The following KCNIP3 variants were observed in gnomAD, a reference collection of about 807,000 sequenced individuals.
The protein encoded by KCNIP3 is calsenilin.
A neutral mutation model predicts 35.0 loss-of-function variants in KCNIP3; 28 were observed. That is an observed-to-expected ratio of 0.80 (90% CI 0.59 to 1.10). The LOEUF (loss-of-function observed/expected upper bound fraction) is 1.10. Ranked by LOEUF, KCNIP3 falls within the 50% of genes least tolerant of loss-of-function variation. KCNIP3 has a pLI of 0.00. For missense variants in KCNIP3, 295 were observed against 338.4 expected (o/e 0.87, Z 1.01); for synonymous variants, 134 against 133.8 (o/e 1.00, Z -0.01).
At chr2:95,336,973 A>G (rs1252416584) in intron 2 of KCNIP3, among the ~76,000 whole-genome samples, 3 of 152,070 alleles carry the variant, frequency 2.0e-5, no homozygotes, top group Non-Finnish European at 4.4e-5. Context: ...AGCACTCCAG[A>G]GTCTCTCCCT....
rs371297424 is a variant in KCNIP3 at position 95,325,776 on chromosome 2, CACACACTCAT to C, written c.181+15273_181+15282del. Among the ~76,000 whole-genome samples the C allele has an allele frequency of 1.2e-3, 183 of 151,590 alleles. 1 individual carries two copies. Among genetic ancestry groups the C allele is most frequent in the African/African-American group, 3.0e-3 (122 of 41,240 alleles). ...TCATACACACATACACACTCATATACACACACTCATACACACTCATACACACATACACTCA... is the reference window on the plus strand; with the variant it reads ...TCATACACACATACACACTCATATACACACACTCATACACACATACACTCA... On this transcript the variant is annotated intron_variant, in intron 2 of 8. Coordinates refer to ENST00000295225, the MANE Select transcript of KCNIP3 (RefSeq NM_013434.5).
At chr2:95,341,019 C>T (rs187961376) in intron 2 of KCNIP3, among the ~76,000 whole-genome samples, 134 of 152,330 alleles carry the variant, frequency 8.8e-4, no homozygotes, top group African/African-American at 3.2e-3. Flanking sequence ...GGGTTCTGTG[C>T]GGCCCCTGGG....
chr2:95,311,048 C>G (rs1678301796), intron 2 of KCNIP3: 1 of 167,074 alleles, frequency 6.0e-6, no homozygotes, highest in Admixed American at 5.6e-5. Flanking sequence ...GGGCTGCATT[C>G]TGGTGGTGTG....
Position 95,381,958 on chromosome 2 carries a change from T to C in KCNIP3, c.555+255T>C, listed in dbSNP as rs547646626. ...GCTCAGCAAGTGTTCTCGGTCATACTGTCTTACACAAAAGGCCTCGGGGAG... is the reference window on the plus strand; with the variant it reads ...GCTCAGCAAGTGTTCTCGGTCATACCGTCTTACACAAAAGGCCTCGGGGAG... On this transcript the variant is annotated intron_variant, in intron 6 of 8. Transcript: ENST00000295225. Among the ~76,000 whole-genome samples, 9 of 152,316 alleles carry C rather than the reference T, an allele frequency of 5.9e-5. 1 individual carries two copies. The East Asian group carries it at 1.4e-3, about 23-fold the overall frequency.
chr2:95,308,854 G>A (rs1377621955), intron 1 of KCNIP3, among the ~76,000 whole-genome samples: 1 of 152,180 alleles, frequency 6.6e-6, no homozygotes, highest in Non-Finnish European at 1.5e-5. Flanking sequence ...GTCTTCCAGG[G>A]CTGCCTCTGT....
chr2:95,355,958 A>G lies in KCNIP3; in HGVS notation c.182-18338A>G, dbSNP rs576260379. On this transcript the variant is annotated intron_variant, in intron 2 of 8. Transcript: ENST00000295225. ...AATGTTTGAACTAATTTACACTCCTACCAACAGTGTAAAGGCGTTCCTATT... is the reference window on the plus strand; with the variant it reads ...AATGTTTGAACTAATTTACACTCCTGCCAACAGTGTAAAGGCGTTCCTATT... 3.3e-5 allele frequency among the ~76,000 whole-genome samples: 5 copies of G among 152,290 alleles called. No individual in the cohort carries two copies. The East Asian group carries it at 5.8e-4, about 18-fold the overall frequency.
At chr2:95,353,736 C>T (rs930092957) in intron 2 of KCNIP3, among the ~76,000 whole-genome samples, 1 of 152,162 alleles carries the variant, frequency 6.6e-6, no homozygotes, top group African/African-American at 2.4e-5. Context: ...TGATGCAGCC[C>T]GACCCAGAGC....
chr2:95,334,638 G>A (rs1679013491), intron 2 of KCNIP3, among the ~76,000 whole-genome samples: 1 of 152,214 alleles, frequency 6.6e-6, no homozygotes, highest in Non-Finnish European at 1.5e-5. Flanking sequence ...CTGCCATGCT[G>A]GGACTGGTCA....
intron 2 of KCNIP3, among the ~76,000 whole-genome samples, chr2:95,337,937 A>G (rs535601057): frequency 1.4e-4 from 22 of 152,202 alleles, no homozygotes; most frequent in Non-Finnish European, 3.1e-4. Flanking sequence ...TCCAGGCCCA[A>G]CCACGGGGCT....
intron 1 of KCNIP3, among the ~76,000 whole-genome samples, chr2:95,298,434 T>C (rs1390150933): frequency 1.3e-5 from 2 of 152,004 alleles, no homozygotes; most frequent in East Asian, 3.9e-4. Context: ...CCAGCACACA[T>C]GGGCTCATAC....
At chr2:95,330,195 A>G (rs1558765443) in intron 2 of KCNIP3, among the ~76,000 whole-genome samples, 1 of 152,084 alleles carries the variant, frequency 6.6e-6, no homozygotes, top group East Asian at 1.9e-4. Context: ...CTGGGCAGGG[A>G]GGGGCAGGGA....
chr2:95,360,767 G>C (rs1679780386), intron 2 of KCNIP3, among the ~76,000 whole-genome samples: 1 of 149,244 alleles, frequency 6.7e-6, no homozygotes, highest in Non-Finnish European at 1.5e-5. Context: ...GCGAGAGACA[G>C]AGAGAGAGAG....
chr2:95,365,921 G>A (rs1679906266), intron 2 of KCNIP3, among the ~76,000 whole-genome samples: 1 of 152,076 alleles, frequency 6.6e-6, no homozygotes, highest in Admixed American at 6.5e-5. Context: ...GCATAGTCAT[G>A]TAACCATTAC....
At chr2:95,371,112 A>G (rs1420611601) in intron 2 of KCNIP3, among the ~76,000 whole-genome samples, 1 of 152,024 alleles carries the variant, frequency 6.6e-6, no homozygotes, top group Non-Finnish European at 1.5e-5. Context: ...TCTTTCTTCT[A>G]TTTACTTTGA....
At chr2:95,336,554 A>C (rs562212301) in intron 2 of KCNIP3, among the ~76,000 whole-genome samples, 5 of 152,298 alleles carry the variant, frequency 3.3e-5, no homozygotes, top group African/African-American at 1.2e-4. Context: ...TATTGACTTC[A>C]TAATCAGCCA....
intron 5 of KCNIP3, 42 bp from the exon 6 acceptor site, chr2:95,381,554 C>A: frequency 1.4e-6 from 2 of 1,406,274 alleles, no homozygotes; most frequent in Non-Finnish European, 2.0e-6. Flanking sequence ...AGAACCTGGG[C>A]ATTGATTGGA....
At position 95,377,073 on chromosome 2, in the gene KCNIP3, C is replaced by G. The variant is rs570340695; in HGVS notation, c.447+1865C>G. Among the ~76,000 whole-genome samples, 1 of 152,330 alleles carries G rather than the reference C, an allele frequency of 6.6e-6. No individual in the cohort carries two copies. Among genetic ancestry groups the G allele is most frequent in the African/African-American group, 2.4e-5 (1 of 41,568 alleles). ...CCCCACACCCCACCTTGGAGTGGCT[C>G]CTGCTCCCATCCCCACGGACCTTCT... On this transcript the variant is annotated intron_variant, in intron 5 of 8. Transcript: ENST00000295225. The surrounding 1 kb of genome is among the most constrained non-coding windows in gnomAD (Gnocchi z 4.7).
In KCNIP3 at chr2:95,382,574, C is replaced by T; in HGVS notation, c.660+93C>T. On this transcript the variant is annotated intron_variant, in intron 7 of 8. Transcript: ENST00000295225. The surrounding 1 kb of genome is among the most constrained non-coding windows in gnomAD (Gnocchi z 4.5). ...CACCCCGGGCAAGTGGCTTGCCCCT[C>T]TGAGCCTCCCTACTCCCCATGAGGA... 2.5e-6 allele frequency: 2 copies of T among 793,844 alleles called. No homozygotes were observed. Among genetic ancestry groups the T allele is most frequent in the Non-Finnish European group, 4.0e-6 (2 of 502,266 alleles). The allele number at this position is 793,844 out of a possible 1,614,324, so 49.2% of individuals were successfully genotyped here.
intron 2 of KCNIP3, among the ~76,000 whole-genome samples, chr2:95,334,255 C>CG (rs906014141): frequency 3.3e-5 from 5 of 152,106 alleles, no homozygotes; most frequent in African/African-American, 7.2e-5. Flanking sequence ...CCTAGACTGG[C>CG]GGGGGGGTTA....
Sources: gnomAD v4.1 joint callset for allele counts (sites outside exome capture counted in the v4.1 genomes callset) on GRCh38, gnomAD v4.1.1 for gene constraint, Gnocchi (gnomAD v3.1) non-coding constraint, MANE v1.5 for transcripts, NCBI Gene and HGNC (gene_info 2026-07-23, HGNC 2026-07-21) for gene names.